The following TMTC3 variants were observed in gnomAD, a reference collection of about 807,000 sequenced individuals.
TMTC3 encodes transmembrane O-mannosyltransferase targeting cadherins 3.
Under a neutral mutation model 92.2 loss-of-function variants are expected in TMTC3, and 52 were observed. That is an observed-to-expected ratio of 0.56 (90% confidence interval 0.45 to 0.71). The LOEUF is 0.71. Among genes scored for constraint, TMTC3 ranks in the 30% least tolerant of loss-of-function variants. The pLI, the probability that TMTC3 is intolerant of heterozygous loss-of-function variation, is 0.00. For missense variants in TMTC3, 896 were observed against 1,057.1 expected (o/e 0.85, Z 2.11); for synonymous variants, 339 against 363.3 (o/e 0.93, Z 0.76).
rs2041535391 is a variant in TMTC3 at position 88,198,022 on chromosome 12, T to TTAAG, written c.*2375_*2378dup. 7.6e-6 allele frequency: 2 copies of TTAAG among 263,428 alleles called. No homozygotes were observed. The highest frequency in any genetic ancestry group is 3.4e-4 in the South Asian group (2 of 5,892). The allele number at this position is 263,428 out of a possible 1,614,324, so 16.3% of individuals were successfully genotyped here. A position where few individuals can be genotyped will look rare whatever the true frequency, so the allele number is the denominator to read the frequency against. On this transcript the variant is annotated 3_prime_UTR_variant, in exon 14 of 14. Transcript: ENST00000266712. ...CTTTTAAAACTAGTAATGTACCCAG[T>TTAAG]TAAGTTTTGATGGTTTAAATTCCAC...
Position 88,144,804 on chromosome 12 carries a change from A to G in TMTC3, c.-29+2317A>G, listed in dbSNP as rs538165149. Among the ~76,000 whole-genome samples the G allele has an allele frequency of 1.1e-4, 17 of 152,338 alleles. No individual in the cohort carries two copies. The East Asian group carries it at 1.2e-3, about 10-fold the overall frequency. ...TTTTATGCATTGTCGTCTGTACCTA[A>G]GTGTGAGTCAGGAAATTTAACTCAG... On this transcript the variant is annotated intron_variant, in intron 1 of 13. Coordinates refer to ENST00000266712, the MANE Select transcript of TMTC3 (RefSeq NM_181783.4).
chr12:88,148,561 AT>A, intron 2 of TMTC3, 57 bp downstream of exon 2: 1 of 1,267,316 alleles, frequency 7.9e-7, no homozygotes, highest in Non-Finnish European at 1.1e-6. Context: ...ATATTCTGGT[AT>A]TTTATTACTT....
intron 10 of TMTC3, among the ~76,000 whole-genome samples, chr12:88,179,428 T>C (rs549084471): frequency 1.9e-4 from 29 of 152,226 alleles, no homozygotes; most frequent in Non-Finnish European, 3.5e-4. Context: ...TTTGGAGTAA[T>C]AATACCTCCA....
Position 88,199,445 on chromosome 12 carries a change from G to GTTAT in TMTC3, c.*3798_*3801dup, listed in dbSNP as rs1458816111. 8 of 151,846 alleles carry GTTAT rather than the reference G, an allele frequency of 5.3e-5. No homozygotes were observed. The highest frequency in any genetic ancestry group is 1.5e-4 in the African/African-American group (6 of 41,346). 9.4% of individuals were successfully genotyped at this position (151,846 alleles called of 1,614,324 possible). On this transcript the variant is annotated 3_prime_UTR_variant, in exon 14 of 14. Coordinates refer to ENST00000266712, the MANE Select transcript of TMTC3 (RefSeq NM_181783.4). The stretch of plus-strand genomic sequence containing the variant: ...AGCACATAGCAAATAATAAATATTA[G>GTTAT]TTATTAGTATAAACATAAGGCTTAA...
At chr12:88,160,038 C>T in intron 4 of TMTC3, 76 bp from the exon 5 acceptor site, 1 of 990,388 alleles carries the variant, frequency 1.0e-6, no homozygotes, top group East Asian at 2.9e-5. Flanking sequence ...TATGGAATCA[C>T]AAAGTTTAAA....
chr12:88,148,480 C>CT lies in TMTC3; in HGVS notation c.167dup (p.Trp57LeufsTer7). ...CTTTAAAAACTTTATTTCAAAATGA[C>CT]TTCTGGGGAACCCCTATGTCTGAGG... On this transcript the variant is annotated frameshift_variant, in exon 2 of 14. Transcript: ENST00000266712. LOFTEE classifies it high-confidence loss of function. 6.2e-7 allele frequency: 1 copy of CT among 1,610,926 alleles called. No individual in the cohort carries two copies. The highest frequency in any genetic ancestry group is 8.5e-7 in the Non-Finnish European group (1 of 1,178,490).
At chr12:88,155,735 T>C (rs1262768254) in intron 4 of TMTC3, among the ~76,000 whole-genome samples, 1 of 152,246 alleles carries the variant, frequency 6.6e-6, no homozygotes, top group Non-Finnish European at 1.5e-5. Flanking sequence ...ATTATATCTT[T>C]TGTTCCAAAT....
chr12:88,188,811 C>T lies in TMTC3; in HGVS notation c.1433-32C>T, dbSNP rs774816779. On this transcript the variant is annotated intron_variant, in intron 10 of 13. Coordinates refer to ENST00000266712, the MANE Select transcript of TMTC3 (RefSeq NM_181783.4). ...GTATATTGAATATATCAGTTGTATA[C>T]TTGCCAACAAATGATTGTTTTAAAA... 16 of 1,156,068 alleles carry T rather than the reference C, an allele frequency of 1.4e-5. No homozygotes were observed. The Admixed American group carries it at 3.0e-4, about 21-fold the overall frequency. The allele number at this position is 1,156,068 out of a possible 1,614,324, so 71.6% of individuals were successfully genotyped here.
Position 88,166,577 on chromosome 12 carries a change from T to C in TMTC3, c.1045T>C (p.Leu349=). The change falls in exon 7 of 14, where the codon TTA becomes CTA. Residue 349 remains leucine, a synonymous_variant. Transcript: ENST00000266712. ...CTCTGGTGATTCCTCCAAGACTGTTTTAATGGTAAGAAACTTTTCTTAACT... is the reference window on the plus strand; with the variant it reads ...CTCTGGTGATTCCTCCAAGACTGTTCTAATGGTAAGAAACTTTTCTTAACT... The part of the protein sequence containing the change: ...RYSGDSSKTV[L]MALCLMALPF... 6.2e-7 allele frequency: 1 copy of C among 1,610,498 alleles called. No homozygotes were observed. Among genetic ancestry groups the C allele is most frequent in the African/African-American group, 1.3e-5 (1 of 74,774 alleles).
In TMTC3 at chr12:88,194,962, A is replaced by G; in HGVS notation, c.2058A>G (p.Glu686=). The change falls in exon 14 of 14, where the codon GAA becomes GAG. Residue 686 remains glutamate, a synonymous_variant. Transcript: ENST00000266712. ...CCATGGATGACAAAAAGGACAATGAAGCAGAGATTTGGATGAAGAAAGCCA... is the reference window on the plus strand; with the variant it reads ...CCATGGATGACAAAAAGGACAATGAGGCAGAGATTTGGATGAAGAAAGCCA... The part of the protein sequence containing the change: ...MLAMDDKKDN[E]AEIWMKKAIK... 6.2e-7 allele frequency: 1 copy of G among 1,613,890 alleles called. No homozygotes were observed. The highest frequency in any genetic ancestry group is 8.5e-7 in the Non-Finnish European group (1 of 1,179,916).
chr12:88,192,467 C>T (rs1181428952), intron 12 of TMTC3, 137 bp from the exon 13 acceptor site: 5 of 594,540 alleles, frequency 8.4e-6, no homozygotes, highest in Admixed American at 3.0e-5. Context: ...GAGTTGTTTT[C>T]GAAAGAGAGT....
chr12:88,147,016 A>G (rs1440511373), intron 1 of TMTC3, among the ~76,000 whole-genome samples: 3 of 150,350 alleles, frequency 2.0e-5, no homozygotes, highest in Admixed American at 6.6e-5. Flanking sequence ...CAGTTACTCT[A>G]AAAAATCAGA....
chr12:88,191,456 A>T (rs1205263244), intron 12 of TMTC3, among the ~76,000 whole-genome samples: 1 of 152,196 alleles, frequency 6.6e-6, no homozygotes, highest in Non-Finnish European at 1.5e-5. Flanking sequence ...TTCTGTGCTG[A>T]TACTATAGGA....
chr12:88,180,406 C>T (rs1265949869), intron 10 of TMTC3, among the ~76,000 whole-genome samples: 1 of 151,826 alleles, frequency 6.6e-6, no homozygotes, highest in Non-Finnish European at 1.5e-5. Flanking sequence ...GAAAGAAAGG[C>T]GGATTTAGAA....
chr12:88,198,675 A>G lies in TMTC3; in HGVS notation c.*3026A>G. 2.9e-6 allele frequency: 1 copy of G among 341,656 alleles called. No individual in the cohort carries two copies. Among genetic ancestry groups the G allele is most frequent in the Non-Finnish European group, 5.2e-6 (1 of 190,886 alleles). 21.2% of individuals were successfully genotyped at this position (341,656 alleles called of 1,614,324 possible). On this transcript the variant is annotated 3_prime_UTR_variant, in exon 14 of 14. Transcript: ENST00000266712. ...TTCTAATAAAACCTCATGCCTTTTC[A>G]TTACATCTAATTTGAACTCTCAACT... is the stretch of plus-strand genomic sequence containing the variant.
chr12:88,180,254 G>A lies in TMTC3; in HGVS notation c.1432+3935G>A, dbSNP rs185064936. ...TCAGTAATATTCTTTTCCAATTAAG[G>A]AGTGACATGTAGTGTTACTTGGCAC... On this transcript the variant is annotated intron_variant, in intron 10 of 13. Coordinates refer to ENST00000266712, the MANE Select transcript of TMTC3 (RefSeq NM_181783.4). 2.0e-5 allele frequency among the ~76,000 whole-genome samples: 3 copies of A among 152,188 alleles called. No individual in the cohort carries two copies. The East Asian group carries it at 5.8e-4, about 29-fold the overall frequency.
chr12:88,199,330 A>G lies in TMTC3; in HGVS notation c.*3681A>G, dbSNP rs2041554817. ...AGTTTCTTCATCTACAAGTTGGGAA[A>G]AACATTTTCCTCTTAAAATTGTGAA... is the stretch of plus-strand genomic sequence containing the variant. On this transcript the variant is annotated 3_prime_UTR_variant, in exon 14 of 14. Coordinates refer to ENST00000266712, the MANE Select transcript of TMTC3 (RefSeq NM_181783.4). The G allele has an allele frequency of 6.6e-6, 1 of 151,914 alleles. No homozygotes were observed. The highest frequency in any genetic ancestry group is 2.1e-4 in the South Asian group (1 of 4,832). The allele number at this position is 151,914 out of a possible 1,614,324, so 9.4% of individuals were successfully genotyped here. A position where few individuals can be genotyped will look rare whatever the true frequency, so the allele number is the denominator to read the frequency against.
intron 6 of TMTC3, among the ~76,000 whole-genome samples, chr12:88,163,903 C>T (rs2138389149): frequency 6.6e-6 from 1 of 152,108 alleles, no homozygotes; most frequent in South Asian, 2.1e-4. Context: ...CTGATTTGAA[C>T]TCATCAAAAT....
Position 88,197,154 on chromosome 12 carries a change from C to T in TMTC3, c.*1505C>T, listed in dbSNP as rs966914534. ...TTCTAATTATATATGTTTCAAAAAC[C>T]ATATCCTGTATTTTTTTTAAGAATT... On this transcript the variant is annotated 3_prime_UTR_variant, in exon 14 of 14. Coordinates refer to ENST00000266712, the MANE Select transcript of TMTC3 (RefSeq NM_181783.4). 1 of 151,422 alleles carries T rather than the reference C, an allele frequency of 6.6e-6. No homozygotes were observed. The allele number at this position is 151,422 out of a possible 1,614,324, so 9.4% of individuals were successfully genotyped here.
Sources: allele counts gnomAD v4.1 joint callset (sites outside exome capture counted in the v4.1 genomes callset), GRCh38; gene constraint gnomAD v4.1.1; transcripts MANE v1.5; gene names NCBI Gene and HGNC (gene_info 2026-07-23, HGNC 2026-07-21).